The following FRMD5 variants were observed in gnomAD, a reference collection of about 807,000 sequenced individuals.
FRMD5 encodes the protein FERM domain-containing protein 5.
Under a neutral mutation model 69.0 loss-of-function variants are expected in FRMD5, and 20 were observed. The ratio of observed to expected loss-of-function variants is 0.29; its 90% CI spans 0.20 to 0.42. The LOEUF is 0.42. Ranked by LOEUF, FRMD5 falls within the 10% of genes least tolerant of loss-of-function variation. FRMD5 has a pLI of 1.00. For missense variants in FRMD5, 595 were observed against 708.6 expected, an observed-to-expected ratio of 0.84 and a Z score of 1.82; for synonymous variants, 271 against 260.1, an observed-to-expected ratio of 1.04 and a Z score of -0.40.
At chr15:44,095,205 T>C (rs2076533866) in intron 1 of FRMD5, among the ~76,000 whole-genome samples, 1 of 151,448 alleles carries the variant, frequency 6.6e-6, no homozygotes, top group African/African-American at 2.4e-5. Context: ...ACAATTTCTT[T>C]CTTTTTTTTT....
intron 1 of FRMD5, among the ~76,000 whole-genome samples, chr15:43,940,648 T>C (rs1035990061): frequency 6.6e-6 from 1 of 152,154 alleles, no homozygotes; most frequent in African/African-American, 2.4e-5. Context: ...TGCTAAGAAC[T>C]AGTCGGGAAA....
chr15:44,030,368 T>C (rs1166584730), intron 1 of FRMD5, among the ~76,000 whole-genome samples: 2 of 152,058 alleles, frequency 1.3e-5, no homozygotes, highest in South Asian at 2.1e-4. Context: ...CCCTCTACTG[T>C]TTGTTTATTT....
rs2089454848 is a variant in FRMD5, at chr15:43,919,481, C to A, written c.307G>T (p.Ala103Ser). 3 of 1,614,050 alleles carry A rather than the reference C, an allele frequency of 1.9e-6. No homozygotes were observed. Among genetic ancestry groups the A allele is most frequent in the Non-Finnish European group, 2.5e-6 (3 of 1,180,004 alleles). Residue 103 changes from alanine to serine, a missense_variant, in exon 4 of 14, where the codon GCT (alanine) becomes TCT (serine). Ala to Ser is a moderately conservative substitution (Grantham distance 99). Transcript: ENST00000417257. The stretch of plus-strand genomic sequence containing the variant: ...CACCTGGTTATTTCTTCTTTCAGAG[C>A]AGCAGGGTCTGCAGGATAAAACTTC... ...RVKFYPADPA[A>S]LKEEITRYLV...
intron 6 of FRMD5, 106 bp downstream of exon 6, chr15:43,905,720 ACT>A (rs1389292674): frequency 2.2e-6 from 3 of 1,381,932 alleles, no homozygotes; most frequent in Non-Finnish European, 2.0e-6. Flanking sequence ...GGGGAGCATC[ACT>A]CTGTGTCAGT....
chr15:43,930,475 C>T (rs1191327983), intron 1 of FRMD5, among the ~76,000 whole-genome samples: 1 of 152,212 alleles, frequency 6.6e-6, no homozygotes, highest in African/African-American at 2.4e-5. Context: ...ATCTAGACTA[C>T]AATGCCAGGA....
chr15:43,957,735 T>C (rs1163794478), intron 1 of FRMD5, among the ~76,000 whole-genome samples: 2 of 152,282 alleles, frequency 1.3e-5, no homozygotes, highest in African/African-American at 4.8e-5. Context: ...ATTTTGAATG[T>C]TGTGCTCTTG....
intron 1 of FRMD5, among the ~76,000 whole-genome samples, chr15:44,062,067 A>C (rs1399305147): frequency 3.3e-5 from 5 of 152,170 alleles, no homozygotes; most frequent in African/African-American, 1.2e-4. Flanking sequence ...ATACAATCTG[A>C]ACAGCCTTGC....
intron 1 of FRMD5, among the ~76,000 whole-genome samples, chr15:43,956,492 C>A (rs186662076): frequency 7.2e-5 from 11 of 152,148 alleles, no homozygotes; most frequent in African/African-American, 2.6e-4. Flanking sequence ...TGATGTGAGA[C>A]GACTTTTTTT....
intron 6 of FRMD5, among the ~76,000 whole-genome samples, chr15:43,902,661 C>T (rs1012083373): frequency 2.0e-5 from 3 of 148,382 alleles, no homozygotes; most frequent in African/African-American, 7.6e-5. Context: ...CTACACTCCA[C>T]CCTGAGTGAC....
chr15:43,880,970 C>A (rs1383671789), intron 13 of FRMD5, among the ~76,000 whole-genome samples: 3 of 152,196 alleles, frequency 2.0e-5, no homozygotes, highest in African/African-American at 4.8e-5. Context: ...CTCAGGATCA[C>A]AAGGACTGTT....
chr15:44,130,692 T>C (rs775300824), intron 1 of FRMD5, among the ~76,000 whole-genome samples: 12 of 152,106 alleles, frequency 7.9e-5, no homozygotes, highest in Non-Finnish European at 1.0e-4. Context: ...TTTACAGTTG[T>C]ATGGAACAAA....
At chr15:43,961,084 A>T (rs2090191503) in intron 1 of FRMD5, among the ~76,000 whole-genome samples, 1 of 152,188 alleles carries the variant, frequency 6.6e-6, no homozygotes, top group African/African-American at 2.4e-5. Context: ...GAGACACAAA[A>T]AAATCCTTCA....
At position 44,077,929 on chromosome 15, in the gene FRMD5, T is replaced by C. The variant is rs116396096; in HGVS notation, c.102+117024A>G. Among the ~76,000 whole-genome samples, 264 of 152,296 alleles carry C rather than the reference T, an allele frequency of 1.7e-3. 3 individuals carry two copies. The highest frequency in any genetic ancestry group is 6.3e-3 in the African/African-American group (260 of 41,590). On this transcript the variant is annotated intron_variant, in intron 1 of 13. Transcript: ENST00000417257. ...AATAACAAAAGGTAGCCCCTGAAGA[T>C]TTGGATTTTTACAGCTTGTTAAAGT...
intron 13 of FRMD5, among the ~76,000 whole-genome samples, chr15:43,881,321 G>C (rs1285295647): frequency 6.6e-6 from 1 of 152,184 alleles, no homozygotes; most frequent in East Asian, 1.9e-4. Context: ...TCTACTTCCT[G>C]AGATGTACAC....
At chr15:44,197,942 T>G (rs1037968498), upstream of FRMD5, among the ~76,000 whole-genome samples, 1 of 152,116 alleles carries the variant, frequency 6.6e-6, no homozygotes, top group African/African-American at 2.4e-5. Context: ...AGTATGGCCA[T>G]AGTTGCAATC....
chr15:43,919,365 G>A (rs2089452122), intron 4 of FRMD5, 94 bp downstream of exon 4: 1 of 1,022,466 alleles, frequency 9.8e-7, no homozygotes, highest in Non-Finnish European at 1.6e-6. Flanking sequence ...TAAGAGTTAG[G>A]CGCTTCCAAA....
chr15:43,884,447 A>G (rs1273615042), intron 12 of FRMD5, among the ~76,000 whole-genome samples: 2 of 152,196 alleles, frequency 1.3e-5, no homozygotes, highest in African/African-American at 4.8e-5. Flanking sequence ...TGACACATCT[A>G]TGATCAGTGT....
intron 1 of FRMD5, among the ~76,000 whole-genome samples, chr15:43,937,860 C>G (rs2089788454): frequency 6.6e-6 from 1 of 152,128 alleles, no homozygotes; most frequent in Non-Finnish European, 1.5e-5. Flanking sequence ...CAAGCGGTAA[C>G]TGAATGTTGA....
At chr15:43,957,263 T>C (rs1054505394) in intron 1 of FRMD5, among the ~76,000 whole-genome samples, 3 of 152,164 alleles carry the variant, frequency 2.0e-5, no homozygotes, top group Admixed American at 1.3e-4. Flanking sequence ...TGGTGAGATC[T>C]TGGCTCCCTG....
Sources: gnomAD v4.1 joint callset for allele counts (sites outside exome capture counted in the v4.1 genomes callset) on GRCh38, gnomAD v4.1.1 for gene constraint, MANE v1.5 for transcripts, NCBI Gene and HGNC (gene_info 2026-07-23, HGNC 2026-07-21) for gene names.